The following KIAA1549L variants were observed in gnomAD, a reference collection of about 807,000 sequenced individuals.
KIAA1549L encodes UPF0606 protein KIAA1549L.
KIAA1549L carries 88 observed loss-of-function variants against 160.7 expected under a neutral mutation model. The observed-to-expected ratio is 0.55, with a 90% CI of 0.46 to 0.65. KIAA1549L has a LOEUF of 0.65. KIAA1549L is among the 30% of genes least tolerant of loss of function. The probability of loss-of-function intolerance (pLI) is 0.00; values close to 1 mark genes in which losing one functional copy is unlikely to be tolerated. For synonymous variants in KIAA1549L, 950 were observed against 976.7 expected (o/e 0.97, Z 0.51); for missense variants, 2,258 against 2,437.5 (o/e 0.93, Z 1.55).
intron 16 of KIAA1549L, among the ~76,000 whole-genome samples, chr11:33,633,139 C>CTTTTTTTTTTTTTTTTTT (rs56310347): frequency 1.2e-4 from 6 of 50,730 alleles, no homozygotes; most frequent in African/African-American, 4.2e-4. Context: ...CCATGCCCAG[C>CTTTTTTTTTTTTTTTTTT]TTTTTTTTTT....
intron 6 of KIAA1549L, among the ~76,000 whole-genome samples, chr11:33,552,851 CAGA>C (rs946641893): frequency 6.6e-6 from 1 of 152,154 alleles, no homozygotes; most frequent in Non-Finnish European, 1.5e-5. Flanking sequence ...AAGAAACTTC[CAGA>C]AGGTCACACG....
At chr11:33,635,197 C>T (rs1422758268) in intron 16 of KIAA1549L, among the ~76,000 whole-genome samples, 1 of 152,156 alleles carries the variant, frequency 6.6e-6, no homozygotes, top group Non-Finnish European at 1.5e-5. Flanking sequence ...TCTCTCCTTC[C>T]TCAGTAACAG....
Position 33,542,625 on chromosome 11 carries a change from G to A in KIAA1549L, c.1062G>A (p.Pro354=), listed in dbSNP as rs58783133. ...FLSPMAELSH[P]SPPPPALGSL... ...GCCCCATGGCAGAACTGTCCCATCC[G>A]TCTCCCCCTCCCCCAGCACTTGGAA... The change falls in exon 2 of 21, where the codon CCG becomes CCA. Residue 354 remains proline, a synonymous_variant. Coordinates refer to ENST00000658780, the MANE Select transcript of KIAA1549L (RefSeq NM_012194.3). 1,897 of 1,613,772 alleles carry A rather than the reference G, an allele frequency of 1.2e-3. 19 individuals are homozygous for A. The African/African-American group carries it at 0.021, about 18-fold the overall frequency.
chr11:33,435,766 AT>A (rs1374332774), intron 1 of KIAA1549L, among the ~76,000 whole-genome samples: 4 of 5,910 alleles, frequency 6.8e-4, no homozygotes, highest in Non-Finnish European at 1.1e-3. Context: ...TAAGATATAT[AT>A]ATATATATAT....
intron 1 of KIAA1549L, among the ~76,000 whole-genome samples, chr11:33,403,790 C>T (rs1850589370): frequency 6.6e-6 from 1 of 152,080 alleles, no homozygotes; most frequent in Non-Finnish European, 1.5e-5. Flanking sequence ...ATTTCATCAC[C>T]CATTAGTAGG....
Position 33,376,721 on chromosome 11 carries a change from C to G in KIAA1549L, c.70C>G (p.Arg24Gly), listed in dbSNP as rs1332875060. The G allele has an allele frequency of 6.6e-6, 1 of 151,120 alleles. No homozygotes were observed. Among genetic ancestry groups the G allele is most frequent in the African/African-American group, 2.4e-5 (1 of 41,296 alleles). 9.4% of individuals were successfully genotyped at this position (151,120 alleles called of 1,614,324 possible). A position where few individuals can be genotyped will look rare whatever the true frequency, so the allele number is the denominator to read the frequency against. The change falls in exon 1 of 21, where the codon CGG (arginine) becomes GGG (glycine). Residue 24 changes from arginine (R) to glycine (G), a missense_variant. Arg to Gly is a moderately radical substitution (Grantham distance 125). This residue lies in a region of KIAA1549L where 540 missense variants were observed against 465.7 expected (regional missense o/e 1.16). Transcript: ENST00000658780. This position sits in a 1 kb window ranked among gnomAD's most constrained non-coding sequence, Gnocchi z 5.8. ...AGPATRGRGG[R>G]PVARGLGRAA... ...GCCCGCGACGCGGGGGCGCGGGGGC[C>G]GGCCCGTGGCGCGTGGGCTTGGTCG...
chr11:33,566,857 A>G (rs974643294), intron 8 of KIAA1549L, among the ~76,000 whole-genome samples: 2 of 152,222 alleles, frequency 1.3e-5, no homozygotes, highest in African/African-American at 2.4e-5. Context: ...AACAAACTCT[A>G]TTAATAATGG....
chr11:33,567,985 G>T, intron 8 of KIAA1549L, 91 bp from the exon 9 acceptor site: 1 of 1,337,096 alleles, frequency 7.5e-7, no homozygotes, highest in Non-Finnish European at 9.9e-7. Flanking sequence ...AGTGGCCCTT[G>T]GTGGCCTGTG....
chr11:33,574,819 G>A lies in KIAA1549L; in HGVS notation c.4348G>A (p.Asp1450Asn). 1 of 1,614,020 alleles carries A rather than the reference G, an allele frequency of 6.2e-7. No individual in the cohort carries two copies. Among genetic ancestry groups the A allele is most frequent in the Non-Finnish European group, 8.5e-7 (1 of 1,179,872 alleles). The change falls in exon 10 of 21, where the codon GAT (aspartate) becomes AAT (asparagine). Residue 1450 changes from aspartate (D) to asparagine (N), a missense_variant. By Grantham distance (23) the Asp-to-Asn change is conservative. Around this residue, in one of 6 missense-constraint regions of KIAA1549L, gnomAD observed 1,359 missense variants for 1,546.6 expected, o/e 0.88. Transcript: ENST00000658780. The stretch of plus-strand genomic sequence containing the variant: ...AGCTGCCAAGATCCTGAGCACCATT[G>A]ATTCCCAAAGGATGGCCTTGACCCT... ...TAAAKILSTI[D>N]SQRMALTLHH... is the part of the protein sequence containing the mutation.
intron 1 of KIAA1549L, among the ~76,000 whole-genome samples, chr11:33,505,595 C>T (rs544278044): frequency 1.5e-4 from 23 of 152,324 alleles, no homozygotes; most frequent in Admixed American, 9.8e-4. Context: ...TTCCCACTCT[C>T]GTCAAAGTGA....
At chr11:33,656,959 C>T (rs1320017009) in intron 18 of KIAA1549L, among the ~76,000 whole-genome samples, 1 of 152,132 alleles carries the variant, frequency 6.6e-6, no homozygotes, top group African/African-American at 2.4e-5. Context: ...CCCCTCCAGC[C>T]CCTGTTTCTC....
intron 10 of KIAA1549L, among the ~76,000 whole-genome samples, chr11:33,576,646 A>C (rs1413947438): frequency 6.6e-6 from 1 of 152,184 alleles, no homozygotes; most frequent in Non-Finnish European, 1.5e-5. Context: ...AAGTGAACAG[A>C]TTTGGGATAT....
intron 1 of KIAA1549L, among the ~76,000 whole-genome samples, chr11:33,538,990 C>G (rs1317665264): frequency 6.6e-6 from 1 of 152,206 alleles, no homozygotes; most frequent in African/African-American, 2.4e-5. Flanking sequence ...GCAAGCCTTT[C>G]TGTTTAATCC....
chr11:33,460,439 GGACCCATATGGGCGT>G (rs1408506697), intron 1 of KIAA1549L, among the ~76,000 whole-genome samples: 1 of 152,156 alleles, frequency 6.6e-6, no homozygotes, highest in African/African-American at 2.4e-5. Flanking sequence ...CTCTTTGGTG[GGACCCATATGGGCGT>G]GAGTGAGTTC....
At chr11:33,504,144 C>T (rs1359939427) in intron 1 of KIAA1549L, among the ~76,000 whole-genome samples, 1 of 152,004 alleles carries the variant, frequency 6.6e-6, no homozygotes, top group Non-Finnish European at 1.5e-5. Flanking sequence ...ACCTGTAATC[C>T]CAGCTACTCG....
chr11:33,574,039 A>G (rs1233848618), intron 9 of KIAA1549L, among the ~76,000 whole-genome samples: 1 of 152,220 alleles, frequency 6.6e-6, no homozygotes, highest in Non-Finnish European at 1.5e-5. Context: ...TTGTAAACTA[A>G]TAAGGAAAAG....
chr11:33,595,994 A>G (rs1850188953), intron 12 of KIAA1549L, among the ~76,000 whole-genome samples: 1 of 152,160 alleles, frequency 6.6e-6, no homozygotes, highest in Non-Finnish European at 1.5e-5. Flanking sequence ...TTGTTGGGCC[A>G]GGATGGAGAA....
chr11:33,407,081 ATTTTTTTTTTTTT>A (rs750670251), intron 1 of KIAA1549L, among the ~76,000 whole-genome samples: 1 of 100,136 alleles, frequency 1.0e-5, no homozygotes, highest in Non-Finnish European at 1.9e-5. Context: ...TTCTTTTTTC[ATTTTTTTTTTTTT>A]TTTTTTTTGA....
chr11:33,435,759 G>GATATATATATATATAT (rs71034686), intron 1 of KIAA1549L, among the ~76,000 whole-genome samples: 1 of 14,994 alleles, frequency 6.7e-5, no homozygotes, highest in African/African-American at 3.0e-4. Context: ...GAACCAATAA[G>GATATATATATATATAT]ATATATATAT....
Sources: gnomAD v4.1 joint callset for allele counts (sites outside exome capture counted in the v4.1 genomes callset) on GRCh38, gnomAD v4.1.1 for gene constraint, gnomAD v4.1.1 regional missense constraint, Gnocchi (gnomAD v3.1) non-coding constraint, MANE v1.5 for transcripts, NCBI Gene and HGNC (gene_info 2026-07-23, HGNC 2026-07-21) for gene names.